The following SLC36A1 variants were observed in gnomAD, a reference collection of about 807,000 sequenced individuals.
SLC36A1 encodes proton-coupled amino acid transporter 1.
In SLC36A1, 30 loss-of-function variants were observed where a neutral mutation model predicts 47.5. That is an observed-to-expected ratio of 0.63 (90% CI 0.47 to 0.86). SLC36A1 has a LOEUF of 0.86. SLC36A1 is among the 40% of genes least tolerant of loss of function. The probability of loss-of-function intolerance (pLI) is 0.00; values close to 1 mark genes in which losing one functional copy is unlikely to be tolerated. For synonymous variants in SLC36A1, 255 were observed against 249.7 expected (o/e 1.02, Z -0.20); for missense variants, 517 against 606.0 (o/e 0.85, Z 1.54).
chr5:151,504,354 T>G, the SLC36A1 span: 5,731 of 152,674 alleles, frequency 0.038, 347 homozygotes, highest in African/African-American at 0.13. Flanking sequence ...AGTGGTGAGG[T>G]CACCAAAGGC....
At chr5:151,365,147 A>C in the SLC36A1 span, among the ~76,000 whole-genome samples, 1 of 152,308 alleles carries the variant, frequency 6.6e-6, no homozygotes, top group Non-Finnish European at 1.5e-5. Flanking sequence ...AAATCAGGGC[A>C]CTGTTTCCAG....
chr5:151,452,226 A>C (rs956307376), intron 1 of SLC36A1: 1 of 152,214 alleles, frequency 6.6e-6, no homozygotes, highest in Non-Finnish European at 1.5e-5. Flanking sequence ...GGTAAGTTGG[A>C]TGGAATTCTA....
chr5:151,373,789 T>C, the SLC36A1 span, among the ~76,000 whole-genome samples: 2 of 152,016 alleles, frequency 1.3e-5, no homozygotes, highest in African/African-American at 4.8e-5. Flanking sequence ...CTCAGGAGAG[T>C]AGTGGCACAG....
At chr5:151,407,912 C>T in the SLC36A1 span, among the ~76,000 whole-genome samples, 2 of 152,194 alleles carry the variant, frequency 1.3e-5, no homozygotes, top group Non-Finnish European at 2.9e-5. Context: ...AATAAAGTTC[C>T]TCCTCTAATA....
the SLC36A1 span, among the ~76,000 whole-genome samples, chr5:151,376,928 C>T: frequency 1.3e-4 from 20 of 152,206 alleles, no homozygotes; most frequent in African/African-American, 2.9e-4. Flanking sequence ...CCGCCGCACC[C>T]GGCCAAAAAA....
upstream of SLC36A1, among the ~76,000 whole-genome samples, chr5:151,444,274 A>C (rs567031044): frequency 6.6e-6 from 1 of 152,254 alleles, no homozygotes; most frequent in African/African-American, 2.4e-5. Context: ...ACATTTCCAC[A>C]ATGTTAATTC....
chr5:151,512,137 G>T, the SLC36A1 span: 4 of 1,596,376 alleles, frequency 2.5e-6, no homozygotes, highest in South Asian at 4.5e-5. The surrounding 1 kb of genome is among the most constrained non-coding windows in gnomAD (Gnocchi z 4.1). Flanking sequence ...GATAAACCCT[G>T]GGTTCAGCCT....
chr5:151,358,396 C>G, the SLC36A1 span, among the ~76,000 whole-genome samples: 265 of 152,110 alleles, frequency 1.7e-3, 1 homozygote, highest in Non-Finnish European at 2.5e-3. Context: ...TTCAGCATCC[C>G]AAGTATCTGA....
At chr5:151,414,087 A>G in the SLC36A1 span, among the ~76,000 whole-genome samples, 51 of 152,296 alleles carry the variant, frequency 3.3e-4, no homozygotes, top group South Asian at 2.1e-4. Context: ...TCTACCCTCT[A>G]TGAGCTCACA....
the SLC36A1 span, among the ~76,000 whole-genome samples, chr5:151,531,173 G>A: frequency 1.3e-5 from 2 of 152,140 alleles, no homozygotes; most frequent in African/African-American, 4.8e-5. The surrounding 1 kb of genome is among the most constrained non-coding windows in gnomAD (Gnocchi z 5.7). Context: ...AGTGGATGTG[G>A]GGACTCCAGG....
the SLC36A1 span, among the ~76,000 whole-genome samples, chr5:151,352,962 AG>A: frequency 6.6e-6 from 1 of 152,202 alleles, no homozygotes; most frequent in Non-Finnish European, 1.5e-5. Flanking sequence ...TCCTTACTTC[AG>A]GGTATGGGGC....
the SLC36A1 span, among the ~76,000 whole-genome samples, chr5:151,345,602 A>G: frequency 1.3e-5 from 2 of 151,880 alleles, no homozygotes; most frequent in Non-Finnish European, 2.9e-5. Flanking sequence ...GTGGGTGTCC[A>G]CATCGCTGAC....
chr5:151,402,761 C>A, the SLC36A1 span, among the ~76,000 whole-genome samples: 3 of 152,092 alleles, frequency 2.0e-5, no homozygotes, highest in Non-Finnish European at 2.9e-5. Flanking sequence ...AGGAATTTAT[C>A]AGTTTCCTCT....
At chr5:151,421,899 A>G in the SLC36A1 span, among the ~76,000 whole-genome samples, 1 of 152,170 alleles carries the variant, frequency 6.6e-6, no homozygotes, top group Non-Finnish European at 1.5e-5. Flanking sequence ...TGTCTTGTAG[A>G]GTTTTTAAAA....
At chr5:151,468,475 A>T (rs1756905755) in intron 7 of SLC36A1, among the ~76,000 whole-genome samples, 1 of 148,032 alleles carries the variant, frequency 6.8e-6, no homozygotes, top group South Asian at 2.1e-4. Context: ...GTGGAATGTA[A>T]ATAGTTATAT....
chr5:151,431,936 A>G, the SLC36A1 span, among the ~76,000 whole-genome samples: 1 of 152,152 alleles, frequency 6.6e-6, no homozygotes, highest in African/African-American at 2.4e-5. Flanking sequence ...CAGGAGCTTA[A>G]ATACAGCTTT....
At chr5:151,384,054 A>T in the SLC36A1 span, among the ~76,000 whole-genome samples, 1 of 152,026 alleles carries the variant, frequency 6.6e-6, no homozygotes, top group African/African-American at 2.4e-5. Context: ...ACCCTATGCC[A>T]TGAAGGCAAA....
the SLC36A1 span, chr5:151,554,448 C>A: frequency 6.2e-7 from 1 of 1,614,206 alleles, no homozygotes; most frequent in Non-Finnish European, 8.5e-7. Flanking sequence ...GCCTCCTCAT[C>A]GCTGTCCTCG....
intron 8 of SLC36A1, among the ~76,000 whole-genome samples, chr5:151,474,842 T>C (rs1465468170): frequency 1.3e-5 from 2 of 152,240 alleles, no homozygotes; most frequent in Non-Finnish European, 2.9e-5. Context: ...GCGCCACAAA[T>C]GGGAAGAGCC....
Sources: allele counts gnomAD v4.1 joint callset (sites outside exome capture counted in the v4.1 genomes callset), GRCh38; gene constraint gnomAD v4.1.1; non-coding constraint Gnocchi (gnomAD v3.1); transcripts MANE v1.5; gene names NCBI Gene and HGNC (gene_info 2026-07-23, HGNC 2026-07-21).